MGAM2: variants seen among roughly 807,000 people sequenced by gnomAD.
The protein encoded by MGAM2 is probable maltase-glucoamylase 2.
Under a neutral mutation model 96.1 loss-of-function variants are expected in MGAM2, and 98 were observed. The observed-to-expected ratio is 1.02, with a 90% CI of 0.87 to 1.21. The LOEUF is 1.21. Among genes scored for constraint, MGAM2 ranks in the 50% most tolerant of loss-of-function variants. MGAM2 has a pLI of 0.00. For synonymous variants in MGAM2, 749 were observed against 414.8 expected, an observed-to-expected ratio of 1.81 and a Z score of -9.79; for missense variants, 2,055 against 1,182.4, an observed-to-expected ratio of 1.74 and a Z score of -10.82.
intron 13 of MGAM2, among the ~76,000 whole-genome samples, chr7:142,144,346 A>G (rs1263484462): frequency 2.0e-5 from 3 of 152,218 alleles, no homozygotes; most frequent in African/African-American, 7.2e-5. Context: ...AAGCACTCTG[A>G]TGAATAAGAT....
At chr7:142,133,868 G>T in intron 6 of MGAM2, 113 bp from the exon 7 acceptor site, 1 of 500,682 alleles carries the variant, frequency 2.0e-6, no homozygotes, top group Non-Finnish European at 3.6e-6. Context: ...CAAGAAAATT[G>T]CTAACGCCTG....
chr7:142,201,146 T>C (rs1797216981), intron 45 of MGAM2, among the ~76,000 whole-genome samples: 1 of 134,054 alleles, frequency 7.5e-6, no homozygotes, highest in African/African-American at 2.8e-5. Flanking sequence ...CTCAGCTCAC[T>C]GCAACCTCCT....
chr7:142,193,101 T>C (rs1336182933), intron 37 of MGAM2, among the ~76,000 whole-genome samples: 1 of 152,188 alleles, frequency 6.6e-6, no homozygotes, highest in Non-Finnish European at 1.5e-5. Flanking sequence ...CCTCTCATAT[T>C]CAAGCTGTTT....
intron 34 of MGAM2, among the ~76,000 whole-genome samples, chr7:142,185,637 G>T (rs1796669803): frequency 6.6e-6 from 1 of 151,182 alleles, no homozygotes; most frequent in Non-Finnish European, 1.5e-5. Flanking sequence ...AAAAGCTTTT[G>T]CTAATATCAC....
chr7:142,157,811 C>T (rs1401045954), intron 17 of MGAM2, 126 bp from the exon 18 acceptor site: 1 of 622,518 alleles, frequency 1.6e-6, no homozygotes, highest in Non-Finnish European at 2.9e-6. Context: ...CTTTTCAGTT[C>T]TAGAAATGCT....
At chr7:142,119,596 C>T (rs998701579) in intron 2 of MGAM2, among the ~76,000 whole-genome samples, 16 of 152,130 alleles carry the variant, frequency 1.1e-4, no homozygotes, top group South Asian at 2.1e-4. Context: ...GAGAAACTTA[C>T]GCGAATGCTC....
chr7:142,121,088 A>G (rs1440076510), intron 3 of MGAM2, among the ~76,000 whole-genome samples: 1 of 152,242 alleles, frequency 6.6e-6, no homozygotes, highest in Non-Finnish European at 1.5e-5. Flanking sequence ...AAGTTTAAAC[A>G]ATATTCACAT....
intron 32 of MGAM2, among the ~76,000 whole-genome samples, chr7:142,181,375 T>C (rs1392443978): frequency 6.6e-6 from 1 of 152,110 alleles, no homozygotes; most frequent in Non-Finnish European, 1.5e-5. Context: ...CCCTTTTTGT[T>C]TGGTGGTGTA....
intron 45 of MGAM2, chr7:142,208,101 G>A (rs1797464568): frequency 2.2e-6 from 1 of 447,896 alleles, no homozygotes; most frequent in South Asian, 1.6e-5. Context: ...ATGATAAAAT[G>A]TTAAGTAACT....
rs755358023 is a variant in MGAM2, at chr7:142,147,517, C to T, written c.1578C>T (p.Gly526=). Residue 526 remains glycine (G), a synonymous_variant, in exon 15 of 48, where the codon GGC becomes GGT. Transcript: ENST00000477922. The part of the protein sequence containing the change: ...TLCMDTEFHG[G]LHYDIHSLYG... ...GCATGGACACGGAGTTTCATGGGGG[C>T]CTTCATTATGACATCCACAGCTTGT... 13 of 702,694 alleles carry T rather than the reference C, an allele frequency of 1.9e-5. No individual in the cohort carries two copies. In the South Asian group the frequency reaches 1.9e-4, roughly 10 times the overall value. 43.5% of individuals were successfully genotyped at this position (702,694 alleles called of 1,614,324 possible).
intron 45 of MGAM2, among the ~76,000 whole-genome samples, chr7:142,203,814 C>T (rs754772751): frequency 6.6e-6 from 1 of 151,908 alleles, no homozygotes; most frequent in South Asian, 2.1e-4. Context: ...GAAACTGAAC[C>T]CTTACCTTTC....
chr7:142,210,853 C>A (rs1272233970), intron 46 of MGAM2, among the ~76,000 whole-genome samples: 2 of 152,198 alleles, frequency 1.3e-5, no homozygotes, highest in African/African-American at 4.8e-5. Flanking sequence ...GGACAGACTG[C>A]CTCCTCAAGT....
At chr7:142,166,504 G>A (rs943230404) in intron 25 of MGAM2, among the ~76,000 whole-genome samples, 13 of 152,164 alleles carry the variant, frequency 8.5e-5, no homozygotes, top group African/African-American at 3.1e-4. Context: ...CATTGGGTAT[G>A]CATTATGCAT....
chr7:142,152,081 A>G (rs1312152010), intron 15 of MGAM2, among the ~76,000 whole-genome samples: 1 of 152,166 alleles, frequency 6.6e-6, no homozygotes, highest in Admixed American at 6.5e-5. Context: ...CAACCTGATT[A>G]TAAATTGGCC....
At chr7:142,139,617 G>A (rs1399379151) in intron 10 of MGAM2, among the ~76,000 whole-genome samples, 1 of 144,142 alleles carries the variant, frequency 6.9e-6, no homozygotes, top group Admixed American at 7.2e-5. Flanking sequence ...CTGAGATCGC[G>A]CCACTACACT....
chr7:142,175,380 G>T (rs745752212), intron 31 of MGAM2, among the ~76,000 whole-genome samples: 4 of 152,194 alleles, frequency 2.6e-5, no homozygotes, highest in Admixed American at 6.5e-5. Flanking sequence ...GAGTGGGAAA[G>T]ACATGAATTG....
intron 37 of MGAM2, among the ~76,000 whole-genome samples, chr7:142,194,979 G>A (rs540128667): frequency 2.2e-3 from 339 of 152,142 alleles, no homozygotes; most frequent in Non-Finnish European, 4.0e-3. Flanking sequence ...CTAAGGGTGC[G>A]TGCAGATGAT....
In MGAM2 at chr7:142,127,909, T is replaced by C. The variant is rs544995174; in HGVS notation, c.187-3039T>C. On this transcript the variant is annotated intron_variant, in intron 3 of 47. Coordinates refer to ENST00000477922, the MANE Select transcript of MGAM2 (RefSeq NM_001293626.2). ...TTGGTACCAGGTAGTGGGGTGCTGC[T>C]GTAAAGATACCTGAAAATGTGGAAG... Among the ~76,000 whole-genome samples, 6 of 152,302 alleles carry C rather than the reference T, an allele frequency of 3.9e-5. No homozygotes were observed. In the South Asian group the frequency reaches 1.0e-3, roughly 26 times the overall value.
intron 46 of MGAM2, among the ~76,000 whole-genome samples, chr7:142,212,099 T>C (rs10239314): frequency 0.031 from 4,673 of 152,228 alleles, 241 homozygotes; most frequent in African/African-American, 0.1. Context: ...CTAAGCTTCA[T>C]AAGTGAAGGG....
Sources: allele counts gnomAD v4.1 joint callset (sites outside exome capture counted in the v4.1 genomes callset), GRCh38; gene constraint gnomAD v4.1.1; transcripts MANE v1.5; gene names NCBI Gene and HGNC (gene_info 2026-07-23, HGNC 2026-07-21).